Variants in GABBR2 observed in about 807,000 individuals in gnomAD.
GABBR2 encodes G-protein coupled receptor 51.
GABBR2 carries 23 observed loss-of-function variants against 105.6 expected under a neutral mutation model. The ratio of observed to expected loss-of-function variants is 0.22; its 90% CI spans 0.16 to 0.31. The LOEUF (loss-of-function observed/expected upper bound fraction) is 0.31. Ranked by LOEUF, GABBR2 falls within the 10% of genes least tolerant of loss-of-function variation. The probability of loss-of-function intolerance (pLI) is 1.00; values close to 1 mark genes in which losing one functional copy is unlikely to be tolerated. For synonymous variants in GABBR2, 478 were observed against 499.7 expected (o/e 0.96, Z 0.58); for missense variants, 734 against 1,245.5 (o/e 0.59, Z 6.18).
rs72759614 is a variant in GABBR2 at position 98,315,608 on chromosome 9, G to T, written c.1894-4403C>A. Among the ~76,000 whole-genome samples, 1,363 of 152,328 alleles carry T rather than the reference G, an allele frequency of 8.9e-3. 9 individuals carry two copies. Among genetic ancestry groups the T allele is most frequent in the Non-Finnish European group, 0.015 (1,048 of 68,014 alleles). ...GCAGTGGTCTGTGCAGCCACACATG[G>T]GGAGAGATGCACCTGAGCATGCAAC... On this transcript the variant is annotated intron_variant, in intron 13 of 18. Transcript: ENST00000259455.
chr9:98,393,342 A>ACTATCCATCCATCCATCCATCCAT (rs1832227660), intron 9 of GABBR2, among the ~76,000 whole-genome samples: 1 of 104,654 alleles, frequency 9.6e-6, no homozygotes, highest in Non-Finnish European at 1.9e-5. Context: ...CATCCACCCA[A>ACTATCCATCCATCCATCCATCCAT]CCATCCATCC....
At chr9:98,442,753 G>T (rs1404991691) in intron 7 of GABBR2, among the ~76,000 whole-genome samples, 2 of 152,194 alleles carry the variant, frequency 1.3e-5, no homozygotes, top group Non-Finnish European at 2.9e-5. Context: ...TCTGAGGGCT[G>T]TGAAGGAGGA....
At chr9:98,408,995 A>C (rs901806841) in intron 7 of GABBR2, among the ~76,000 whole-genome samples, 10 of 152,206 alleles carry the variant, frequency 6.6e-5, no homozygotes, top group African/African-American at 2.4e-4. Flanking sequence ...ACTCCGCTCA[A>C]GACGTTATAA....
chr9:98,300,227 G>A (rs771990844), intron 16 of GABBR2, among the ~76,000 whole-genome samples: 2 of 152,032 alleles, frequency 1.3e-5, no homozygotes, highest in South Asian at 2.1e-4. Flanking sequence ...CAGGGCTCGC[G>A]AGCTCTGAGC....
chr9:98,491,202 C>T (rs1171816265), intron 4 of GABBR2, among the ~76,000 whole-genome samples: 1 of 152,176 alleles, frequency 6.6e-6, no homozygotes, highest in Non-Finnish European at 1.5e-5. Context: ...AAAGGACTCT[C>T]CTTAATCCTG....
chr9:98,696,968 T>C (rs941437661), intron 1 of GABBR2, among the ~76,000 whole-genome samples: 13 of 151,828 alleles, frequency 8.6e-5, no homozygotes, highest in African/African-American at 3.1e-4. Context: ...GGGGTGAAAT[T>C]TGCAAGCAAA....
chr9:98,333,474 C>T (rs957948408), intron 13 of GABBR2, among the ~76,000 whole-genome samples: 6 of 152,148 alleles, frequency 3.9e-5, no homozygotes, highest in Non-Finnish European at 8.8e-5. Context: ...ATGTCTTCTC[C>T]AGCTCCCGGT....
intron 1 of GABBR2, among the ~76,000 whole-genome samples, chr9:98,666,709 T>C (rs903092803): frequency 6.6e-6 from 1 of 152,156 alleles, no homozygotes; most frequent in African/African-American, 2.4e-5. Context: ...TCATGGCTGG[T>C]AGCTACTATA....
At chr9:98,489,863 C>T (rs551768933) in intron 4 of GABBR2, among the ~76,000 whole-genome samples, 4 of 152,312 alleles carry the variant, frequency 2.6e-5, no homozygotes, top group East Asian at 1.9e-4. Context: ...GAGGTCAAGG[C>T]GGACGGATCA....
chr9:98,495,617 T>G lies in GABBR2; in HGVS notation c.732+796A>C, dbSNP rs1588194845. Among the ~76,000 whole-genome samples, 5 of 152,322 alleles carry G rather than the reference T, an allele frequency of 3.3e-5. 1 individual carries two copies. The South Asian group carries it at 1.0e-3, about 32-fold the overall frequency. ...GCCTCTGTGGAATTCCTGCTGATTC[T>G]AAGCCATGATGAGCATGGCTACCCT... On this transcript the variant is annotated intron_variant, in intron 4 of 18. Coordinates refer to ENST00000259455, the MANE Select transcript of GABBR2 (RefSeq NM_005458.8).
intron 1 of GABBR2, among the ~76,000 whole-genome samples, chr9:98,705,395 C>A (rs939232570): frequency 6.6e-6 from 1 of 152,198 alleles, no homozygotes; most frequent in Admixed American, 6.5e-5. Context: ...CCCCAGGGAC[C>A]AGATTAACCC....
chr9:98,561,672 T>C (rs1376942391), intron 2 of GABBR2, among the ~76,000 whole-genome samples: 1 of 152,132 alleles, frequency 6.6e-6, no homozygotes, highest in Non-Finnish European at 1.5e-5. Flanking sequence ...CGATTGAGCC[T>C]AGGAGTTTGA....
At chr9:98,294,032 C>G (rs1427381021) in intron 17 of GABBR2, 130 bp from the exon 18 acceptor site, 1 of 700,358 alleles carries the variant, frequency 1.4e-6, no homozygotes. Context: ...TCTGTGTTCT[C>G]TAAGCTGAGG....
chr9:98,528,992 G>T (rs956717465), intron 3 of GABBR2, among the ~76,000 whole-genome samples: 11 of 152,038 alleles, frequency 7.2e-5, no homozygotes, highest in African/African-American at 2.7e-4. Context: ...AGTAAAAATT[G>T]GCAACTACCT....
intron 7 of GABBR2, among the ~76,000 whole-genome samples, chr9:98,425,152 A>C: frequency 6.6e-6 from 1 of 152,140 alleles, no homozygotes; most frequent in Non-Finnish European, 1.5e-5. Context: ...AAAACCATAT[A>C]CCAAAAAAGG....
intron 3 of GABBR2, among the ~76,000 whole-genome samples, chr9:98,517,855 G>A (rs1417529833): frequency 1.3e-5 from 2 of 152,004 alleles, no homozygotes; most frequent in African/African-American, 2.4e-5. Context: ...GGGCCAATGG[G>A]AGCCCAGCAG....
At chr9:98,692,034 G>A (rs752316120) in intron 1 of GABBR2, among the ~76,000 whole-genome samples, 2 of 152,194 alleles carry the variant, frequency 1.3e-5, no homozygotes, top group Non-Finnish European at 2.9e-5. Context: ...TTTGGTAGCC[G>A]TCCTGTGAAG....
At chr9:98,327,373 C>T (rs1172443909) in intron 13 of GABBR2, among the ~76,000 whole-genome samples, 6 of 152,018 alleles carry the variant, frequency 3.9e-5, no homozygotes, top group Non-Finnish European at 7.4e-5. Context: ...AAACCCACAG[C>T]GGCTCCTTGG....
At chr9:98,680,367 A>G (rs1348565906) in intron 1 of GABBR2, among the ~76,000 whole-genome samples, 2 of 152,060 alleles carry the variant, frequency 1.3e-5, no homozygotes, top group African/African-American at 2.4e-5. Flanking sequence ...GTGCAGTGGC[A>G]CGATCTCGGC....
Sources: gnomAD v4.1 joint callset for allele counts (sites outside exome capture counted in the v4.1 genomes callset) on GRCh38, gnomAD v4.1.1 for gene constraint, MANE v1.5 for transcripts, NCBI Gene and HGNC (gene_info 2026-07-23, HGNC 2026-07-21) for gene names.